The following CCL2 variants were observed in gnomAD, a reference collection of about 807,000 sequenced individuals.
CCL2 encodes C-C motif chemokine 2.
A neutral mutation model predicts 6.7 loss-of-function variants in CCL2; 2 were observed. That is an observed-to-expected ratio of 0.30 (90% CI 0.12 to 0.94). CCL2 has a LOEUF of 0.94. CCL2 is among the 40% of genes least tolerant of loss of function. The pLI, the probability that CCL2 is intolerant of heterozygous loss-of-function variation, is 0.54. For missense variants in CCL2, 89 were observed against 119.3 expected (o/e 0.75, Z 1.18); for synonymous variants, 43 against 45.2 (o/e 0.95, Z 0.19).
At position 34,256,705 on chromosome 17, in the gene CCL2, G is replaced by A. The variant is rs769401135; in HGVS notation, c.195-17G>A. The A allele has an allele frequency of 4.4e-6, 7 of 1,575,710 alleles. No individual in the cohort carries two copies. The highest frequency in any genetic ancestry group is 6.1e-6 in the Non-Finnish European group (7 of 1,147,036). ...CTGCAAAGGAACTTCATCTAACTCTGTCCTCCCTCCCCACAGCTTCAAGAC... is the reference window on the plus strand; with the variant it reads ...CTGCAAAGGAACTTCATCTAACTCTATCCTCCCTCCCCACAGCTTCAAGAC... On this transcript the variant is annotated splice_polypyrimidine_tract_variant and intron_variant, in intron 2 of 2. Transcript: ENST00000225831.
chr17:34,255,313 C>T lies in CCL2; in HGVS notation c.-37C>T. 1 of 1,592,814 alleles carries T rather than the reference C, an allele frequency of 6.3e-7. No homozygotes were observed. Among genetic ancestry groups the T allele is most frequent in the Non-Finnish European group, 8.6e-7 (1 of 1,161,246 alleles). ...AGGCTGAGACTAACCCAGAAACATC[C>T]AATTCTCAAACTGAAGCTCGCACTC... is the stretch of plus-strand genomic sequence containing the variant. On this transcript the variant is annotated 5_prime_UTR_variant, in exon 1 of 3. Coordinates refer to ENST00000225831, the MANE Select transcript of CCL2 (RefSeq NM_002982.4).
intron 2 of CCL2, 160 bp downstream of exon 2, chr17:34,256,499 A>T: frequency 6.3e-6 from 4 of 634,600 alleles, no homozygotes; most frequent in Non-Finnish European, 1.1e-5. Flanking sequence ...GAACCCCAAC[A>T]TCACTCTCCA....
intron 2 of CCL2, 65 bp downstream of exon 2, chr17:34,256,404 C>A: frequency 9.2e-7 from 1 of 1,086,976 alleles, no homozygotes. Flanking sequence ...GGACAAGCCT[C>A]ATAAACCTAG....
intron 2 of CCL2, 71 bp downstream of exon 2, chr17:34,256,410 C>A (rs1907687587): frequency 1.9e-6 from 2 of 1,039,220 alleles, no homozygotes; most frequent in Non-Finnish European, 3.0e-6. Flanking sequence ...GCCTCATAAA[C>A]CTAGAGTCAG....
At chr17:34,255,632 C>T in intron 1 of CCL2, 1 of 538,916 alleles carries the variant, frequency 1.9e-6, no homozygotes, top group Non-Finnish European at 3.3e-6. Context: ...ACCCCAAATC[C>T]AGCTCCTTCC....
Position 34,257,135 on chromosome 17 carries a change from G to A in CCL2, c.*308G>A. On this transcript the variant is annotated 3_prime_UTR_variant, in exon 3 of 3. Coordinates refer to ENST00000225831, the MANE Select transcript of CCL2 (RefSeq NM_002982.4). ...ATTTTTTTTAACATTCCAATGCATT[G>A]CTAAAATATTATTGTGGAAATGAAT... 5.1e-6 allele frequency: 1 copy of A among 195,556 alleles called. No homozygotes were observed. The allele number at this position is 195,556 out of a possible 1,614,324, so 12.1% of individuals were successfully genotyped here.
chr17:34,256,578 A>G, intron 2 of CCL2, 144 bp from the exon 3 acceptor site: 1 of 639,084 alleles, frequency 1.6e-6, no homozygotes, highest in South Asian at 2.0e-5. Context: ...CTGGACACCT[A>G]TAGGAGCAGT....
chr17:34,255,423 C>T lies in CCL2; in HGVS notation c.74C>T (p.Pro25Leu). 2 of 1,613,280 alleles carry T rather than the reference C, an allele frequency of 1.2e-6. 1 individual carries two copies. The highest frequency in any genetic ancestry group is 2.2e-5 in the South Asian group (2 of 91,060). ...TTCATTCCCCAAGGGCTCGCTCAGC[C>T]AGGTAAGGCCCCCTCTTCTTCTCCT... is the stretch of plus-strand genomic sequence containing the variant. ...ATFIPQGLAQPDAINAPVTCC... is the reference protein window; with the variant it reads ...ATFIPQGLAQLDAINAPVTCC... The change falls in exon 1 of 3, where the codon CCA (proline) becomes CTA (leucine). Residue 25 changes from proline (P) to leucine (L), a missense_variant and splice_region_variant. Transcript: ENST00000225831.
At chr17:34,256,052 TC>T in intron 1 of CCL2, 169 bp from the exon 2 acceptor site, 2 of 577,968 alleles carry the variant, frequency 3.5e-6, no homozygotes, top group Non-Finnish European at 6.2e-6. Flanking sequence ...AGTCATTGGG[TC>T]AAAGATCACA....
chr17:34,256,633 C>T, intron 2 of CCL2, 89 bp from the exon 3 acceptor site: 1 of 886,682 alleles, frequency 1.1e-6, no homozygotes, highest in Non-Finnish European at 1.8e-6. Context: ...CCTCTAGCTC[C>T]CATGGCAGCC....
chr17:34,256,822 A>G lies in CCL2; in HGVS notation c.295A>G (p.Thr99Ala). 1 of 1,606,908 alleles carries G rather than the reference A, an allele frequency of 6.2e-7. No individual in the cohort carries two copies. Among genetic ancestry groups the G allele is most frequent in the Non-Finnish European group, 8.5e-7 (1 of 1,173,478 alleles). The change falls in exon 3 of 3, where the codon ACT becomes GCT. Residue 99 changes from threonine to alanine, a missense_variant. Transcript: ENST00000225831. The part of the protein sequence containing the change: ...HLDKQTQTPK[T>A] ...GGACAAGCAAACCCAAACTCCGAAG[A>G]CTTGAACACTCACTCCACAACCCAA...
At position 34,256,390 on chromosome 17, in the gene CCL2, C is replaced by T. The variant is rs375267079; in HGVS notation, c.194+51C>T. On this transcript the variant is annotated intron_variant, in intron 2 of 2. Coordinates refer to ENST00000225831, the MANE Select transcript of CCL2 (RefSeq NM_002982.4). The stretch of plus-strand genomic sequence containing the variant: ...TGGCCTGAAGTTCTTCCTTGTGGAG[C>T]AAGGGACAAGCCTCATAAACCTAGA... 4.2e-6 allele frequency: 5 copies of T among 1,198,662 alleles called. No homozygotes were observed. The African/African-American group carries it at 7.5e-5, about 18-fold the overall frequency. 74.3% of individuals were successfully genotyped at this position (1,198,662 alleles called of 1,614,324 possible). A position where few individuals can be genotyped will look rare whatever the true frequency, so the allele number is the denominator to read the frequency against.
rs762024084 is a variant in CCL2 at position 34,256,844 on chromosome 17, C to A, written c.*17C>A. On this transcript the variant is annotated 3_prime_UTR_variant, in exon 3 of 3. Coordinates refer to ENST00000225831, the MANE Select transcript of CCL2 (RefSeq NM_002982.4). The stretch of plus-strand genomic sequence containing the variant: ...AAGACTTGAACACTCACTCCACAAC[C>A]CAAGAATCTGCAGCTAACTTATTTT... 1.8e-5 allele frequency: 27 copies of A among 1,505,746 alleles called. No homozygotes were observed. The highest frequency in any genetic ancestry group is 2.4e-5 in the Non-Finnish European group (26 of 1,083,828). 93.3% of individuals were successfully genotyped at this position (1,505,746 alleles called of 1,614,324 possible).
At chr17:34,255,478 C>T in intron 1 of CCL2, 53 bp downstream of exon 1, 3 of 1,445,426 alleles carry the variant, frequency 2.1e-6, no homozygotes, top group Non-Finnish European at 2.9e-6. Flanking sequence ...TCTGAGTTAT[C>T]ATGGACCATC....
intron 1 of CCL2, chr17:34,255,672 G>A (rs902169200): frequency 2.1e-5 from 10 of 483,046 alleles, no homozygotes; most frequent in South Asian, 8.8e-5. Flanking sequence ...CACACTCAGC[G>A]CAGTTACTCC....
At chr17:34,255,712 C>A in intron 1 of CCL2, 1 of 405,600 alleles carries the variant, frequency 2.5e-6, no homozygotes, top group Admixed American at 4.2e-5. Context: ...GTTTGGGGAT[C>A]AGGGTAATCA....
chr17:34,255,521 A>G (rs1907659236), intron 1 of CCL2, 96 bp downstream of exon 1: 1 of 1,098,678 alleles, frequency 9.1e-7, no homozygotes, highest in East Asian at 2.5e-5. Flanking sequence ...TCTTGCTTTA[A>G]CGCTACTTTT....
At position 34,256,206 on chromosome 17, in the gene CCL2, G is replaced by T. The variant is rs1164865838; in HGVS notation, c.77-16G>T. The T allele has an allele frequency of 6.5e-7, 1 of 1,533,638 alleles. No individual in the cohort carries two copies. Among genetic ancestry groups the T allele is most frequent in the Non-Finnish European group, 9.0e-7 (1 of 1,110,448 alleles). On this transcript the variant is annotated splice_polypyrimidine_tract_variant and intron_variant, in intron 1 of 2. Coordinates refer to ENST00000225831, the MANE Select transcript of CCL2 (RefSeq NM_002982.4). ...GTTCATCCTAAAATGCTTTTTCTTT[G>T]TGGTTTATTTTCCAGATGCAATCAA...
rs1907708767 is a variant in CCL2, at chr17:34,257,016, A to T, written c.*189A>T. ...CTTTCATGGTACTAGTGTTTTTTAG[A>T]TACAGAGACTTGGGGAAATTGCTTT... is the stretch of plus-strand genomic sequence containing the variant. On this transcript the variant is annotated 3_prime_UTR_variant, in exon 3 of 3. Transcript: ENST00000225831. 4.5e-6 allele frequency: 2 copies of T among 444,922 alleles called. No homozygotes were observed. Among genetic ancestry groups the T allele is most frequent in the Non-Finnish European group, 8.1e-6 (2 of 246,828 alleles). 27.6% of individuals were successfully genotyped at this position (444,922 alleles called of 1,614,324 possible). A position where few individuals can be genotyped will look rare whatever the true frequency, so the allele number is the denominator to read the frequency against.
Sources: allele counts gnomAD v4.1 joint callset, GRCh38; gene constraint gnomAD v4.1.1; transcripts MANE v1.5; gene names NCBI Gene and HGNC (gene_info 2026-07-23, HGNC 2026-07-21).